NPAT: variants seen among roughly 807,000 people sequenced by gnomAD.
The protein encoded by NPAT is protein NPAT.
Under a neutral mutation model 130.7 loss-of-function variants are expected in NPAT, and 52 were observed. The observed-to-expected ratio is 0.40, with a 90% CI of 0.32 to 0.50. NPAT has a LOEUF of 0.50. Ranked by LOEUF, NPAT falls within the 20% of genes least tolerant of loss-of-function variation. The pLI is 0.68. For missense variants in NPAT, 1,687 were observed against 1,662.6 expected, an observed-to-expected ratio of 1.01 and a Z score of -0.26; for synonymous variants, 580 against 584.8, an observed-to-expected ratio of 0.99 and a Z score of 0.12.
rs776399635 is a variant in NPAT at position 108,192,124 on chromosome 11, T to C, written c.284A>G (p.Gln95Arg). 6.3e-7 allele frequency: 1 copy of C among 1,593,072 alleles called. No homozygotes were observed. The change falls in exon 4 of 18, where the codon CAG becomes CGG. Residue 95 changes from glutamine (Q) to arginine (R), a missense_variant. Physicochemically the swap from Gln to Arg is conservative, Grantham distance 43. This residue lies in a region of NPAT where 307 missense variants were observed against 298.9 expected (regional missense o/e 1.03). Coordinates refer to ENST00000278612, the MANE Select transcript of NPAT (RefSeq NM_002519.3). ...LWKKLDHTLS[Q>R]IRSMQSSPRF... ...CATTCTAATAGCTTATTACCTGATC[T>C]GAGAAAGTGTATGGTCCAATTTCTT...
intron 1 of NPAT, among the ~76,000 whole-genome samples, chr11:108,198,440 A>G (rs557435383): frequency 2.0e-5 from 3 of 152,304 alleles, no homozygotes; most frequent in African/African-American, 7.2e-5. Flanking sequence ...TATGAGAATA[A>G]TCTCTCACAA....
chr11:108,179,973 T>C (rs1478407691), intron 10 of NPAT, among the ~76,000 whole-genome samples: 1 of 152,108 alleles, frequency 6.6e-6, no homozygotes, highest in Non-Finnish European at 1.5e-5. Flanking sequence ...AAAGGCAAGC[T>C]ATGGGATGGG....
chr11:108,197,244 CTA>C (rs1291843615), intron 2 of NPAT, 56 bp downstream of exon 2: 2 of 1,181,586 alleles, frequency 1.7e-6, no homozygotes, highest in African/African-American at 1.5e-5. Flanking sequence ...GATTTTATGA[CTA>C]TGTTTTTAGT....
chr11:108,222,280 T>G (rs994672271), intron 1 of NPAT, among the ~76,000 whole-genome samples: 2 of 152,062 alleles, frequency 1.3e-5, no homozygotes, highest in African/African-American at 2.4e-5. Context: ...CCCTCGGGCT[T>G]CCCCTCGCCA....
At position 108,172,982 on chromosome 11, in the gene NPAT, C is replaced by G. The variant is rs764367529; in HGVS notation, c.2002G>C (p.Glu668Gln). The G allele has an allele frequency of 6.2e-7, 1 of 1,614,090 alleles. No homozygotes were observed. The highest frequency in any genetic ancestry group is 1.1e-5 in the South Asian group (1 of 91,074). Reference sequence around the variant, plus strand: ...AAAGAGAGAAAAATAGTATTCTCTTCTTTTACAGAAGATGAAGGCTCCTGT... The same window carrying G: ...AAAGAGAGAAAAATAGTATTCTCTTGTTTTACAGAAGATGAAGGCTCCTGT... Reference protein sequence around the residue: ...NSQEPSSSVKEENTIFLSLGG... With the variant: ...NSQEPSSSVKQENTIFLSLGG... Residue 668 changes from glutamate (E) to glutamine (Q), a missense_variant, in exon 13 of 18, where the codon GAA (glutamate) becomes CAA (glutamine). By Grantham distance (29) the Glu-to-Gln change is conservative. Transcript: ENST00000278612.
chr11:108,183,710 G>C (rs537856811), intron 10 of NPAT, among the ~76,000 whole-genome samples: 1 of 152,194 alleles, frequency 6.6e-6, no homozygotes, highest in Non-Finnish European at 1.5e-5. Flanking sequence ...GCTGAGGCAG[G>C]AGAATCGTTT....
At chr11:108,214,973 T>G (rs1384570078) in intron 1 of NPAT, among the ~76,000 whole-genome samples, 2 of 152,194 alleles carry the variant, frequency 1.3e-5, no homozygotes, top group Non-Finnish European at 2.9e-5. Context: ...AGGTTCTACT[T>G]GCTTTGTACC....
chr11:108,177,458 C>T (rs929632408), intron 10 of NPAT, among the ~76,000 whole-genome samples: 1 of 151,988 alleles, frequency 6.6e-6, no homozygotes, highest in Non-Finnish European at 1.5e-5. Flanking sequence ...CTGTACTCAG[C>T]GTGAATAATA....
At chr11:108,205,073 T>C (rs908435106) in intron 1 of NPAT, among the ~76,000 whole-genome samples, 1 of 151,986 alleles carries the variant, frequency 6.6e-6, no homozygotes, top group Non-Finnish European at 1.5e-5. Flanking sequence ...AAACTGAAAA[T>C]ACAAAGACAA....
At position 108,200,610 on chromosome 11, in the gene NPAT, A is replaced by G. The variant is rs555632760; in HGVS notation, c.38-3190T>C. On this transcript the variant is annotated intron_variant, in intron 1 of 17. Coordinates refer to ENST00000278612, the MANE Select transcript of NPAT (RefSeq NM_002519.3). ...CCCACCTCCTTCTCTAACCAGAGAC[A>G]ATATCCCCTAAAACCAGAAGTTAGG... 7.6e-4 allele frequency among the ~76,000 whole-genome samples: 116 copies of G among 152,304 alleles called. 1 individual carries two copies. In the Middle Eastern group the frequency reaches 0.01, roughly 13 times the overall value.
intron 1 of NPAT, among the ~76,000 whole-genome samples, chr11:108,204,919 C>A (rs1260313140): frequency 6.6e-6 from 1 of 152,162 alleles, no homozygotes; most frequent in East Asian, 1.9e-4. Context: ...CCTAGAACGA[C>A]AGAAATGCCA....
intron 10 of NPAT, among the ~76,000 whole-genome samples, chr11:108,182,895 C>G (rs770819052): frequency 5.3e-5 from 8 of 152,184 alleles, no homozygotes; most frequent in African/African-American, 1.9e-4. Context: ...AACAGAGTAC[C>G]CTGATTATGG....
At chr11:108,207,897 C>T (rs946196459) in intron 1 of NPAT, among the ~76,000 whole-genome samples, 3 of 152,228 alleles carry the variant, frequency 2.0e-5, no homozygotes, top group Admixed American at 6.5e-5. Flanking sequence ...CTGCAGCCGG[C>T]GTCTTGGCAC....
At chr11:108,189,738 C>T (rs1450435696) in intron 5 of NPAT, among the ~76,000 whole-genome samples, 9 of 151,280 alleles carry the variant, frequency 5.9e-5, no homozygotes, top group South Asian at 2.1e-4. Context: ...GGCGTGGTAG[C>T]GGGCGCCTGT....
rs758713539 is a variant in NPAT, at chr11:108,173,665, A to G, written c.1319T>C (p.Ile440Thr). 6.2e-7 allele frequency: 1 copy of G among 1,614,182 alleles called. No homozygotes were observed. Among genetic ancestry groups the G allele is most frequent in the Non-Finnish European group, 8.5e-7 (1 of 1,180,030 alleles). The change falls in exon 13 of 18, where the codon ATT (isoleucine) becomes ACT (threonine). Residue 440 changes from isoleucine to threonine, a missense_variant. Coordinates refer to ENST00000278612, the MANE Select transcript of NPAT (RefSeq NM_002519.3). Reference protein sequence around the residue: ...TAVPTEQKCDIDITFESVPNL... With the variant: ...TAVPTEQKCDTDITFESVPNL... ...AGGCACGGACTCAAAGGTAATGTCA[A>G]TGTCACACTTCTGTTCAGTGGGTAC... is the stretch of plus-strand genomic sequence containing the variant.
chr11:108,201,990 T>C (rs973329745), intron 1 of NPAT, among the ~76,000 whole-genome samples: 1 of 152,152 alleles, frequency 6.6e-6, no homozygotes, highest in Non-Finnish European at 1.5e-5. Context: ...AAGCAGGGTA[T>C]GCAATAGTCA....
chr11:108,168,148 T>C (rs753322620), intron 15 of NPAT, among the ~76,000 whole-genome samples: 1 of 151,890 alleles, frequency 6.6e-6, no homozygotes, highest in African/African-American at 2.4e-5. Flanking sequence ...TTCTGGGTCA[T>C]AGAGAAGATA....
intron 1 of NPAT, among the ~76,000 whole-genome samples, chr11:108,200,793 T>A (rs886137417): frequency 6.6e-6 from 1 of 152,128 alleles, no homozygotes; most frequent in African/African-American, 2.4e-5. Context: ...GTGGTTCCAA[T>A]CCATATGGTG....
rs373165512 is a variant in NPAT, at chr11:108,172,748, C to T, written c.2236G>A (p.Asp746Asn). ...NIVSLKVIIS[D>N]DPFVSSDTEL... ...GTATCTGAGGAAACAAATGGATCAT[C>T]ACTAATGATAACTTTGAGAGAGACG... The change falls in exon 13 of 18, where the codon GAT (aspartate) becomes AAT (asparagine). Residue 746 changes from aspartate (D) to asparagine (N), a missense_variant. Physicochemically the swap from Asp to Asn is conservative, Grantham distance 23. This residue lies in a region of NPAT where 1,379 missense variants were observed against 1,346.6 expected (regional missense o/e 1.02). Coordinates refer to ENST00000278612, the MANE Select transcript of NPAT (RefSeq NM_002519.3). 18 of 1,613,524 alleles carry T rather than the reference C, an allele frequency of 1.1e-5. 1 individual carries two copies. The South Asian group carries it at 1.9e-4, about 17-fold the overall frequency.
Sources: gnomAD v4.1 joint callset for allele counts (sites outside exome capture counted in the v4.1 genomes callset) on GRCh38, gnomAD v4.1.1 for gene constraint, gnomAD v4.1.1 regional missense constraint, MANE v1.5 for transcripts, NCBI Gene and HGNC (gene_info 2026-07-23, HGNC 2026-07-21) for gene names.